Variants in CA5A observed in about 807,000 individuals in gnomAD.
CA5A encodes carbonic anhydrase 5A, also known as carbonic anhydrase 5A, mitochondrial.
In CA5A, 28 loss-of-function variants were observed where a neutral mutation model predicts 37.1. The ratio of observed to expected loss-of-function variants is 0.75; its 90% CI spans 0.56 to 1.03. The LOEUF is 1.03. Among genes scored for constraint, CA5A ranks in the 50% least tolerant of loss-of-function variants. The pLI, the probability that CA5A is intolerant of heterozygous loss-of-function variation, is 0.00. For synonymous variants in CA5A, 171 were observed against 158.4 expected (o/e 1.08, Z -0.60); for missense variants, 444 against 399.9 (o/e 1.11, Z -0.94).
chr16:87,924,295 G>A (rs964511411), intron 2 of CA5A: 5 of 985,336 alleles, frequency 5.1e-6, no homozygotes, highest in East Asian at 1.1e-4. Context: ...TGAAGCAACC[G>A]TGAATGGCAC....
intron 2 of CA5A, chr16:87,923,902 A>G: frequency 2.0e-6 from 2 of 984,958 alleles, no homozygotes; most frequent in Non-Finnish European, 2.4e-6. Context: ...CCAAACAATT[A>G]AAAGTTCAGG....
At chr16:87,893,339 G>T in intron 5 of CA5A, 1 of 388,666 alleles carries the variant, frequency 2.6e-6, no homozygotes, top group South Asian at 2.2e-5. Flanking sequence ...ATATTAGTCA[G>T]GATGGTCTCG....
intron 2 of CA5A, among the ~76,000 whole-genome samples, chr16:87,913,643 C>G (rs962069519): frequency 6.1e-5 from 9 of 147,272 alleles, no homozygotes; most frequent in Non-Finnish European, 3.0e-5. Flanking sequence ...ATCTGAGTGT[C>G]TGTGCCGTGG....
At chr16:87,882,575 C>G (rs2055616843) in intron 4 of CA5A, 1 of 152,238 alleles carries the variant, frequency 6.6e-6, no homozygotes, top group African/African-American at 2.4e-5. Flanking sequence ...CACCATTCCC[C>G]AGACCAACGG....
chr16:87,917,582 A>G (rs1227921547), intron 2 of CA5A, among the ~76,000 whole-genome samples: 1 of 152,248 alleles, frequency 6.6e-6, no homozygotes, highest in East Asian at 1.9e-4. Flanking sequence ...AGATGGAAAC[A>G]CACGTGTGCA....
At chr16:87,910,181 G>A (rs7201409) in intron 2 of CA5A, among the ~76,000 whole-genome samples, 46,725 of 152,132 alleles carry the variant, frequency 0.31, 7,942 homozygotes, top group South Asian at 0.45. Flanking sequence ...CACTGGCCAG[G>A]TTCTGCCGTG....
intron 6 of CA5A, among the ~76,000 whole-genome samples, chr16:87,889,761 A>G (rs2055687220): frequency 6.6e-6 from 1 of 152,112 alleles, no homozygotes; most frequent in Non-Finnish European, 1.5e-5. Flanking sequence ...AGAAGAGGGA[A>G]ACTCCATCTC....
Position 87,923,993 on chromosome 16 carries a change from C to G in CA5A, c.340+2755G>C, listed in dbSNP as rs1028500989. The G allele has an allele frequency of 1.0e-5, 10 of 985,344 alleles. No homozygotes were observed. In the African/African-American group the frequency reaches 1.4e-4, roughly 14 times the overall value. The allele number at this position is 985,344 out of a possible 1,614,324, so 61.0% of individuals were successfully genotyped here. A position where few individuals can be genotyped will look rare whatever the true frequency, so the allele number is the denominator to read the frequency against. Reference sequence around the variant, plus strand: ...ATATAACCACATTAAAACTGAAAAGCCAATCTGAGTTGCTTCTTGGGCATT... The same window carrying G: ...ATATAACCACATTAAAACTGAAAAGGCAATCTGAGTTGCTTCTTGGGCATT... On this transcript the variant is annotated intron_variant, in intron 2 of 6. Coordinates refer to ENST00000649794, the MANE Select transcript of CA5A (RefSeq NM_001739.2).
At chr16:87,918,497 C>G (rs2056186532) in intron 2 of CA5A, among the ~76,000 whole-genome samples, 1 of 151,828 alleles carries the variant, frequency 6.6e-6, no homozygotes, top group African/African-American at 2.4e-5. Context: ...TTGGCCCATG[C>G]TTGCTCCAAG....
chr16:87,933,141 A>G (rs2056430414), intron 1 of CA5A, among the ~76,000 whole-genome samples: 1 of 152,204 alleles, frequency 6.6e-6, no homozygotes, highest in South Asian at 2.1e-4. Context: ...CCTGAGCAGG[A>G]AATAGCCAGT....
At chr16:87,908,809 T>C (rs991180175) in intron 2 of CA5A, among the ~76,000 whole-genome samples, 16 of 152,018 alleles carry the variant, frequency 1.1e-4, no homozygotes, top group Admixed American at 4.6e-4. Context: ...TTCTCCTCCT[T>C]CTTCTTCTGC....
At chr16:87,923,493 G>C (rs906533470) in intron 2 of CA5A, 3 of 964,360 alleles carry the variant, frequency 3.1e-6, no homozygotes, top group Non-Finnish European at 3.7e-6. Context: ...CAGCCTGGCA[G>C]TGCTTTTAAA....
At chr16:87,906,702 G>A (rs929091153) in intron 2 of CA5A, among the ~76,000 whole-genome samples, 2 of 152,118 alleles carry the variant, frequency 1.3e-5, no homozygotes, top group African/African-American at 4.8e-5. Context: ...CTTTAGTCCA[G>A]TCAGGGGCTA....
At chr16:87,884,019 T>G (rs183844576), downstream of CA5A, 1 of 152,226 alleles carries the variant, frequency 6.6e-6, no homozygotes, top group African/African-American at 2.4e-5. Context: ...CTGCTTATTT[T>G]TCTGTGCTCA....
intron 2 of CA5A, among the ~76,000 whole-genome samples, chr16:87,920,659 C>G (rs1473860460): frequency 6.6e-6 from 1 of 151,832 alleles, no homozygotes. Flanking sequence ...ACTTTGTTGC[C>G]CAGGCTGGAG....
chr16:87,898,353 C>T (rs1193879516), intron 5 of CA5A, among the ~76,000 whole-genome samples: 1 of 152,238 alleles, frequency 6.6e-6, no homozygotes, highest in Non-Finnish European at 1.5e-5. Context: ...AGGCCATCTG[C>T]CCTTGAGCCT....
At chr16:87,915,116 G>A (rs901424495) in intron 2 of CA5A, among the ~76,000 whole-genome samples, 9 of 152,146 alleles carry the variant, frequency 5.9e-5, no homozygotes, top group African/African-American at 1.7e-4. Context: ...ATGAAACCTC[G>A]ACTCGCGTTG....
chr16:87,922,453 C>T (rs777278222), intron 2 of CA5A, among the ~76,000 whole-genome samples: 42 of 152,204 alleles, frequency 2.8e-4, no homozygotes, highest in Non-Finnish European at 5.9e-4. Flanking sequence ...CTTGGGGATA[C>T]AGAAACATCT....
rs780960953 is a variant in CA5A, at chr16:87,926,872, C to T, written c.216G>A (p.Arg72=). The part of the protein sequence containing the change: ...TRQSPINIQW[R]DSVYDPQLKP... ...TCAGCTGGGGGTCATAGACGCTGTCCCTCCACTGGATGTTAATAGGAGACT... is the reference window on the plus strand; with the variant it reads ...TCAGCTGGGGGTCATAGACGCTGTCTCTCCACTGGATGTTAATAGGAGACT... Residue 72 remains arginine (R), a synonymous_variant, in exon 2 of 7, where the codon AGG becomes AGA. Coordinates refer to ENST00000649794, the MANE Select transcript of CA5A (RefSeq NM_001739.2). The T allele has an allele frequency of 6.2e-7, 1 of 1,612,670 alleles. No individual in the cohort carries two copies. The highest frequency in any genetic ancestry group is 8.5e-7 in the Non-Finnish European group (1 of 1,179,258).
Sources: gnomAD v4.1 joint callset for allele counts (sites outside exome capture counted in the v4.1 genomes callset) on GRCh38, gnomAD v4.1.1 for gene constraint, MANE v1.5 for transcripts, NCBI Gene and HGNC (gene_info 2026-07-23, HGNC 2026-07-21) for gene names.